Variants in ARMH1 observed in about 807,000 individuals in gnomAD.
ARMH1 encodes armadillo-like helical domain containing protein 1.
Under a neutral mutation model 50.2 loss-of-function variants are expected in ARMH1, and 34 were observed. The ratio of observed to expected loss-of-function variants is 0.68; its 90% CI spans 0.51 to 0.90. ARMH1 has a LOEUF of 0.90. Ranked by LOEUF, ARMH1 falls within the 40% of genes least tolerant of loss-of-function variation. The pLI, the probability that ARMH1 is intolerant of heterozygous loss-of-function variation, is 0.00. For missense variants in ARMH1, 538 were observed against 553.9 expected, an observed-to-expected ratio of 0.97 and a Z score of 0.29; for synonymous variants, 221 against 224.2, an observed-to-expected ratio of 0.99 and a Z score of 0.13.
At chr1:44,721,624 G>A (rs763831374) in intron 6 of ARMH1, among the ~76,000 whole-genome samples, 17 of 151,448 alleles carry the variant, frequency 1.1e-4, no homozygotes, top group Non-Finnish European at 8.8e-5. Flanking sequence ...ACAGGCTTAT[G>A]AGGCTGAGGT....
chr1:44,698,850 A>T (rs1645923132), intron 4 of ARMH1, among the ~76,000 whole-genome samples: 1 of 150,706 alleles, frequency 6.6e-6, no homozygotes. Flanking sequence ...TGAATAACTC[A>T]AGAAATAAAA....
intron 4 of ARMH1, among the ~76,000 whole-genome samples, chr1:44,698,801 G>T (rs1241173094): frequency 7.3e-6 from 1 of 137,420 alleles, no homozygotes; most frequent in Admixed American, 7.5e-5. Flanking sequence ...CAACAAAAGT[G>T]AAACTCCATC....
chr1:44,721,648 G>C (rs755731601), intron 6 of ARMH1: 1 of 152,150 alleles, frequency 6.6e-6, no homozygotes, highest in Non-Finnish European at 1.5e-5. Flanking sequence ...AGGATTGCTT[G>C]AGCATGGGAG....
At chr1:44,710,474 TG>T (rs1208702658) in intron 6 of ARMH1, among the ~76,000 whole-genome samples, 1 of 151,284 alleles carries the variant, frequency 6.6e-6, no homozygotes, top group Non-Finnish European at 1.5e-5. Flanking sequence ...CCGGGCGTGG[TG>T]GTGGGCGCCT....
chr1:44,691,976 C>G (rs1004990744), intron 2 of ARMH1, among the ~76,000 whole-genome samples: 1 of 152,176 alleles, frequency 6.6e-6, no homozygotes, highest in African/African-American at 2.4e-5. Flanking sequence ...GGTGATAGTT[C>G]AAGTTATAGG....
chr1:44,722,655 T>C (rs943828733), intron 6 of ARMH1, among the ~76,000 whole-genome samples: 7 of 147,844 alleles, frequency 4.7e-5, no homozygotes, highest in African/African-American at 1.8e-4. Flanking sequence ...GAGGCAGGAG[T>C]ATCGCTTGAA....
chr1:44,709,923 T>C (rs902791630), intron 6 of ARMH1, among the ~76,000 whole-genome samples: 60 of 152,134 alleles, frequency 3.9e-4, no homozygotes, highest in African/African-American at 1.4e-3. Context: ...ATTTGGAAAA[T>C]GGTCATTTGT....
rs949356217 is a variant in ARMH1, at chr1:44,674,715, T to C, written c.-181T>C. 1 of 328,952 alleles carries C rather than the reference T, an allele frequency of 3.0e-6. No individual in the cohort carries two copies. The highest frequency in any genetic ancestry group is 7.3e-5 in the South Asian group (1 of 13,620). The allele number at this position is 328,952 out of a possible 1,614,324, so 20.4% of individuals were successfully genotyped here. ...CAGGAAGAGTCCCCACCCTCTCATG[T>C]AGGTGAGAGGCGGCTGAAGAGTTGC... is the stretch of plus-strand genomic sequence containing the variant. On this transcript the variant is annotated 5_prime_UTR_variant, in exon 1 of 12. Coordinates refer to ENST00000535358, the MANE Select transcript of ARMH1 (RefSeq NM_001145636.2).
chr1:44,723,832 G>A (rs567354611), intron 6 of ARMH1: 1 of 343,510 alleles, frequency 2.9e-6, no homozygotes, highest in South Asian at 6.6e-5. Context: ...CATGAAACCT[G>A]GATTCCTCCA....
chr1:44,678,263 T>A (rs1366273083), intron 1 of ARMH1, among the ~76,000 whole-genome samples: 1 of 149,994 alleles, frequency 6.7e-6, no homozygotes, highest in Non-Finnish European at 1.5e-5. Flanking sequence ...CAGAAGTGAG[T>A]CTGGGGAGAA....
chr1:44,703,238 A>C (rs1208851359), intron 5 of ARMH1, among the ~76,000 whole-genome samples: 1 of 152,066 alleles, frequency 6.6e-6, no homozygotes, highest in African/African-American at 2.4e-5. Context: ...CCCCAATCAG[A>C]GTAGCCGGCC....
intron 6 of ARMH1, among the ~76,000 whole-genome samples, chr1:44,722,563 T>C (rs527314152): frequency 6.7e-4 from 102 of 151,512 alleles, no homozygotes; most frequent in Non-Finnish European, 1.0e-3. Context: ...CTTGCCAACA[T>C]GGTGAAACCC....
intron 6 of ARMH1, chr1:44,723,856 CCT>C (rs1557573748): frequency 2.5e-6 from 1 of 408,134 alleles, no homozygotes; most frequent in Non-Finnish European, 4.4e-6. Context: ...CGAAGGCCCC[CCT>C]CTCTGGGGTC....
intron 6 of ARMH1, among the ~76,000 whole-genome samples, chr1:44,723,422 T>G (rs1406352359): frequency 6.6e-6 from 1 of 152,204 alleles, no homozygotes; most frequent in African/African-American, 2.4e-5. Flanking sequence ...CTGTAAAATA[T>G]CTACAGGAAA....
chr1:44,725,127 T>G lies in ARMH1; in HGVS notation c.1129-9T>G, dbSNP rs1418638368. 1 of 1,551,758 alleles carries G rather than the reference T, an allele frequency of 6.4e-7. No homozygotes were observed. Among genetic ancestry groups the G allele is most frequent in the Non-Finnish European group, 8.7e-7 (1 of 1,147,020 alleles). On this transcript the variant is annotated splice_polypyrimidine_tract_variant and intron_variant, in intron 10 of 11. Transcript: ENST00000535358. The stretch of plus-strand genomic sequence containing the variant: ...ACCCCAGCCGGGTCCCCCTTGCTCC[T>G]GTCCTCAGAGCAACGCTGAGGACTT...
chr1:44,712,426 C>G (rs946240757), intron 6 of ARMH1, among the ~76,000 whole-genome samples: 1 of 151,468 alleles, frequency 6.6e-6, no homozygotes, highest in Non-Finnish European at 1.5e-5. Flanking sequence ...CCACAGCACT[C>G]CAGAGTGGGC....
intron 1 of ARMH1, among the ~76,000 whole-genome samples, chr1:44,676,462 C>T (rs1397848434): frequency 6.6e-6 from 1 of 152,060 alleles, no homozygotes; most frequent in Non-Finnish European, 1.5e-5. Context: ...TAGGACAGAG[C>T]CCTGAGAAAC....
intron 5 of ARMH1, among the ~76,000 whole-genome samples, chr1:44,701,850 C>T (rs1384239923): frequency 6.6e-6 from 1 of 151,798 alleles, no homozygotes; most frequent in East Asian, 1.9e-4. Flanking sequence ...GATGGCTTAG[C>T]CTGAGAGGCA....
chr1:44,708,641 C>T lies in ARMH1; in HGVS notation c.724+4468C>T, dbSNP rs114136552. Among the ~76,000 whole-genome samples, 1,415 of 152,118 alleles carry T rather than the reference C, an allele frequency of 9.3e-3. 11 individuals are homozygous for T. Among genetic ancestry groups the T allele is most frequent in the Non-Finnish European group, 0.013 (904 of 67,988 alleles). Reference sequence around the variant, plus strand: ...GTGGCATCCTCAGGACAACAGGAGGCGGAGGGGCTTAGGGGGCCTGGCGAT... The same window carrying T: ...GTGGCATCCTCAGGACAACAGGAGGTGGAGGGGCTTAGGGGGCCTGGCGAT... On this transcript the variant is annotated intron_variant, in intron 6 of 11. Coordinates refer to ENST00000535358, the MANE Select transcript of ARMH1 (RefSeq NM_001145636.2).
Sources: gnomAD v4.1 joint callset for allele counts (sites outside exome capture counted in the v4.1 genomes callset) on GRCh38, gnomAD v4.1.1 for gene constraint, MANE v1.5 for transcripts, NCBI Gene and HGNC (gene_info 2026-07-23, HGNC 2026-07-21) for gene names.